Variants in PCDHA11 observed in about 807,000 individuals in gnomAD.
PCDHA11 encodes protocadherin alpha-11.
PCDHA11 carries 61 observed loss-of-function variants against 70.3 expected under a neutral mutation model. That is an observed-to-expected ratio of 0.87 (90% CI 0.71 to 1.07). PCDHA11 has a LOEUF of 1.07. PCDHA11 is among the 50% of genes least tolerant of loss of function. The pLI is 0.00. For synonymous variants in PCDHA11, 633 were observed against 555.1 expected (o/e 1.14, Z -1.97); for missense variants, 1,324 against 1,237.5 (o/e 1.07, Z -1.05).
At chr5:140,998,014 C>T (rs1554256135) in intron 3 of PCDHA11, among the ~76,000 whole-genome samples, 1 of 152,162 alleles carries the variant, frequency 6.6e-6, no homozygotes, top group Non-Finnish European at 1.5e-5. Context: ...TCCATCCCCA[C>T]CTCGAGCTAG....
chr5:140,882,119 T>C, intron 1 of PCDHA11: 1 of 1,438,056 alleles, frequency 7.0e-7, no homozygotes, highest in South Asian at 1.4e-5. Context: ...AGCCGCCGTT[T>C]CTTTCTTCCT....
intron 1 of PCDHA11, among the ~76,000 whole-genome samples, chr5:140,872,716 A>G (rs1309493361): frequency 6.6e-6 from 1 of 152,266 alleles, no homozygotes; most frequent in Non-Finnish European, 1.5e-5. Context: ...AACTAGGTAA[A>G]TAAAATTATT....
chr5:140,966,894 A>G, intron 1 of PCDHA11: 1 of 1,596,438 alleles, frequency 6.3e-7, no homozygotes, highest in Non-Finnish European at 8.5e-7. Flanking sequence ...GCGGCCTCCC[A>G]GCTGCGATAC....
At chr5:140,980,094 TA>T (rs1554241421) in intron 2 of PCDHA11, among the ~76,000 whole-genome samples, 1 of 152,218 alleles carries the variant, frequency 6.6e-6, no homozygotes, top group African/African-American at 2.4e-5. Context: ...GTTGGCTTGG[TA>T]AGATGTCACA....
intron 1 of PCDHA11, chr5:140,927,843 CTT>C (rs1563097902): frequency 4.3e-6 from 7 of 1,614,186 alleles, no homozygotes; most frequent in African/African-American, 2.7e-5. Flanking sequence ...ACGAAGGTGT[CTT>C]TGGTTTAGCT....
Position 141,010,035 on chromosome 5 carries a change from G to A in PCDHA11, c.*98G>A. 7 of 1,582,518 alleles carry A rather than the reference G, an allele frequency of 4.4e-6. No individual in the cohort carries two copies. The South Asian group carries it at 7.1e-5, about 16-fold the overall frequency. ...CTGCTCCTTTTTCCTATCTACATGAGCCCTCTTAGAGACCTCAGAAATCTG... is the reference window on the plus strand; with the variant it reads ...CTGCTCCTTTTTCCTATCTACATGAACCCTCTTAGAGACCTCAGAAATCTG... On this transcript the variant is annotated 3_prime_UTR_variant, in exon 4 of 4. Coordinates refer to ENST00000398640, the MANE Select transcript of PCDHA11 (RefSeq NM_018902.5).
intron 1 of PCDHA11, among the ~76,000 whole-genome samples, chr5:140,916,315 A>C (rs1554197391): frequency 3.9e-5 from 6 of 152,204 alleles, no homozygotes; most frequent in Non-Finnish European, 8.8e-5. Context: ...GGTGCAAGAC[A>C]AAGTCCCCTT....
intron 1 of PCDHA11, chr5:140,877,314 G>C (rs2057020187): frequency 6.2e-7 from 1 of 1,613,972 alleles, no homozygotes; most frequent in Non-Finnish European, 8.5e-7. Flanking sequence ...TGCAACCGGC[G>C]GCGGTCGGCG....
intron 2 of PCDHA11, among the ~76,000 whole-genome samples, chr5:140,979,601 C>T (rs1214449101): frequency 1.3e-5 from 2 of 152,160 alleles, no homozygotes; most frequent in African/African-American, 4.8e-5. Context: ...TTTAAATTAA[C>T]CTAGAGTAAC....
intron 1 of PCDHA11, among the ~76,000 whole-genome samples, chr5:140,961,103 A>G (rs531762252): frequency 6.6e-6 from 1 of 152,254 alleles, no homozygotes; most frequent in South Asian, 2.1e-4. Context: ...TTGGTCACCC[A>G]ACCCCCTTGC....
At chr5:140,968,321 A>ACCTCCTATGT in intron 1 of PCDHA11, 1 of 1,613,834 alleles carries the variant, frequency 6.2e-7, no homozygotes, top group Non-Finnish European at 8.5e-7. Flanking sequence ...GCTGCCAGTC[A>ACCTCCTATGT]CCTCCTATGT....
chr5:140,926,420 T>G, intron 1 of PCDHA11: 1 of 152,792 alleles, frequency 6.5e-6, no homozygotes, highest in Non-Finnish European at 1.5e-5. Context: ...GGGCAGAGGA[T>G]GTGGAGGTTA....
chr5:140,936,275 T>C (rs1423652397), intron 1 of PCDHA11, among the ~76,000 whole-genome samples: 1 of 152,216 alleles, frequency 6.6e-6, no homozygotes, highest in African/African-American at 2.4e-5. Context: ...TATATTCCTG[T>C]GTTTTCTTCT....
chr5:140,873,181 T>C (rs2153284921), intron 1 of PCDHA11, among the ~76,000 whole-genome samples: 1 of 152,304 alleles, frequency 6.6e-6, no homozygotes, highest in African/African-American at 2.4e-5. Flanking sequence ...TGTATCATAA[T>C]ATTCATTGGC....
Position 141,010,284 on chromosome 5 carries a change from A to G in PCDHA11, c.*347A>G. 6.4e-7 allele frequency: 1 copy of G among 1,551,156 alleles called. No homozygotes were observed. Among genetic ancestry groups the G allele is most frequent in the Non-Finnish European group, 8.7e-7 (1 of 1,146,860 alleles). On this transcript the variant is annotated 3_prime_UTR_variant, in exon 4 of 4. Coordinates refer to ENST00000398640, the MANE Select transcript of PCDHA11 (RefSeq NM_018902.5). ...GCTCCGGGGATCCTGTCTTGATGACACTTGCAGGGCAGGCTGAAAAGTTTT... is the reference window on the plus strand; with the variant it reads ...GCTCCGGGGATCCTGTCTTGATGACGCTTGCAGGGCAGGCTGAAAAGTTTT...
chr5:140,928,854 G>A (rs2085594573), intron 1 of PCDHA11: 1 of 1,614,178 alleles, frequency 6.2e-7, no homozygotes, highest in Non-Finnish European at 8.5e-7. Context: ...CTCTGGGTGT[G>A]CTGTTGAGCA....
intron 1 of PCDHA11, among the ~76,000 whole-genome samples, chr5:140,891,792 G>A (rs2063250974): frequency 6.6e-6 from 1 of 152,152 alleles, no homozygotes; most frequent in Non-Finnish European, 1.5e-5. Flanking sequence ...TAGATTATGA[G>A]GGATCTGCCC....
At chr5:140,912,679 T>C (rs367681467) in intron 1 of PCDHA11, among the ~76,000 whole-genome samples, 6 of 152,216 alleles carry the variant, frequency 3.9e-5, no homozygotes, top group African/African-American at 1.4e-4. Context: ...CCTTGACTTA[T>C]TCCAGGTCTC....
intron 1 of PCDHA11, among the ~76,000 whole-genome samples, chr5:140,958,419 A>G (rs1275772647): frequency 6.6e-6 from 1 of 152,196 alleles, no homozygotes; most frequent in Non-Finnish European, 1.5e-5. Flanking sequence ...GCTTGGAAAG[A>G]AGCACTTTTT....
Sources: gnomAD v4.1 joint callset for allele counts (sites outside exome capture counted in the v4.1 genomes callset) on GRCh38, gnomAD v4.1.1 for gene constraint, MANE v1.5 for transcripts, NCBI Gene and HGNC (gene_info 2026-07-23, HGNC 2026-07-21) for gene names.